The following MAP2K1 variants were observed in gnomAD, a reference collection of about 807,000 sequenced individuals.
The protein encoded by MAP2K1 is mitogen-activated protein kinase kinase 1, also known as dual specificity mitogen-activated protein kinase kinase 1.
A neutral mutation model predicts 46.3 loss-of-function variants in MAP2K1; 16 were observed. The observed-to-expected ratio is 0.35, with a 90% CI of 0.23 to 0.52. The LOEUF (loss-of-function observed/expected upper bound fraction) is 0.52, where lower values mean the gene tolerates loss of function less well. MAP2K1 is among the 20% of genes least tolerant of loss of function. The pLI is 0.94. For missense variants in MAP2K1, 263 were observed against 497.1 expected (o/e 0.53, Z 4.48); for synonymous variants, 183 against 185.6 (o/e 0.99, Z 0.11).
chr15:66,428,318 G>A (rs999313379), intron 1 of MAP2K1, among the ~76,000 whole-genome samples: 6 of 123,112 alleles, frequency 4.9e-5, no homozygotes, highest in Non-Finnish European at 1.1e-4. Flanking sequence ...GTGTGTGTGT[G>A]TGTGTGTATG....
At chr15:66,423,381 G>A (rs1303794427) in intron 1 of MAP2K1, among the ~76,000 whole-genome samples, 4 of 151,324 alleles carry the variant, frequency 2.6e-5, no homozygotes, top group East Asian at 3.9e-4. Context: ...CTTATCTCTT[G>A]ATAAGGTTGT....
chr15:66,436,900 ACACCCTCT>A lies in MAP2K1; in HGVS notation c.438+11_438+18del, dbSNP rs1567009806. ...ATCTGCATGGAGCACATGGTATGTG[ACACCCTCT>A]CAGCCTCTGGAGCAATGGCCTTAAG... On this transcript the variant is annotated intron_variant, in intron 3 of 10. Transcript: ENST00000307102. 1 of 1,613,966 alleles carries A rather than the reference ACACCCTCT, an allele frequency of 6.2e-7. No individual in the cohort carries two copies. Among genetic ancestry groups the A allele is most frequent in the South Asian group, 1.1e-5 (1 of 91,086 alleles).
intron 1 of MAP2K1, among the ~76,000 whole-genome samples, chr15:66,392,255 G>GTTTTT (rs58831070): frequency 2.3e-4 from 22 of 97,696 alleles, no homozygotes; most frequent in South Asian, 3.6e-4. Flanking sequence ...TTTTTTTTGG[G>GTTTTT]TTTTTTTTTT....
intron 8 of MAP2K1, 134 bp downstream of exon 8, chr15:66,487,426 G>C: frequency 2.4e-6 from 2 of 837,726 alleles, no homozygotes; most frequent in Non-Finnish European, 4.1e-6. Flanking sequence ...ATCACACGAG[G>C]TGAGGAGTTC....
At chr15:66,459,817 TTTG>T (rs1475210637) in intron 5 of MAP2K1, among the ~76,000 whole-genome samples, 1 of 152,016 alleles carries the variant, frequency 6.6e-6, no homozygotes, top group Non-Finnish European at 1.5e-5. Flanking sequence ...TTGGTTTTGT[TTTG>T]TTGTTTTATA....
At chr15:66,467,722 A>G (rs1892502374) in intron 5 of MAP2K1, among the ~76,000 whole-genome samples, 1 of 152,124 alleles carries the variant, frequency 6.6e-6, no homozygotes, top group South Asian at 2.1e-4. Flanking sequence ...CACCACGCCC[A>G]ACTAATTTTT....
chr15:66,482,876 G>A (rs550608525), intron 6 of MAP2K1, among the ~76,000 whole-genome samples: 2 of 152,256 alleles, frequency 1.3e-5, no homozygotes, highest in Admixed American at 1.3e-4. Context: ...CAGAAGTGGC[G>A]GGGAGTGCAG....
chr15:66,448,960 C>T (rs554154596), intron 5 of MAP2K1, among the ~76,000 whole-genome samples: 6 of 139,870 alleles, frequency 4.3e-5, no homozygotes, highest in South Asian at 2.4e-4. Context: ...GCTGAGATTG[C>T]GCCACTGCAC....
At chr15:66,422,018 G>A (rs774453841) in intron 1 of MAP2K1, among the ~76,000 whole-genome samples, 29 of 151,782 alleles carry the variant, frequency 1.9e-4, no homozygotes, top group Admixed American at 3.9e-4. Flanking sequence ...AGAATTAGGC[G>A]AACTGTGGTA....
chr15:66,433,246 C>G (rs980114959), intron 1 of MAP2K1, among the ~76,000 whole-genome samples: 3 of 152,180 alleles, frequency 2.0e-5, no homozygotes, highest in African/African-American at 7.2e-5. Flanking sequence ...CAAGACATAG[C>G]CGAACCTTGG....
chr15:66,476,054 T>G (rs574771906), intron 5 of MAP2K1, among the ~76,000 whole-genome samples: 2 of 152,362 alleles, frequency 1.3e-5, no homozygotes, highest in East Asian at 3.9e-4. Flanking sequence ...GAACATACTT[T>G]CTGAGTTTTT....
At chr15:66,401,716 A>T (rs1338464203) in intron 1 of MAP2K1, 1 of 152,112 alleles carries the variant, frequency 6.6e-6, no homozygotes, top group East Asian at 1.9e-4. Flanking sequence ...CTGAGGAGGG[A>T]GTGTGCGCAT....
At chr15:66,482,622 T>C (rs1892939133) in intron 6 of MAP2K1, among the ~76,000 whole-genome samples, 1 of 152,150 alleles carries the variant, frequency 6.6e-6, no homozygotes, top group Non-Finnish European at 1.5e-5. Context: ...CCCTCCTCCA[T>C]ACCACCGGTT....
intron 5 of MAP2K1, among the ~76,000 whole-genome samples, chr15:66,454,217 T>C (rs909557352): frequency 4.6e-5 from 7 of 152,194 alleles, no homozygotes; most frequent in African/African-American, 1.4e-4. Context: ...GTCATGTGTT[T>C]CAAGCCAAGA....
chr15:66,475,323 G>A (rs558598074), intron 5 of MAP2K1, among the ~76,000 whole-genome samples: 5 of 152,118 alleles, frequency 3.3e-5, no homozygotes, highest in African/African-American at 7.2e-5. Flanking sequence ...GCCTAAAGTC[G>A]CCATTTTAAA....
intron 10 of MAP2K1, chr15:66,489,979 C>T (rs1893191145): frequency 1.6e-6 from 1 of 619,938 alleles, no homozygotes; most frequent in African/African-American, 1.8e-5. Context: ...AAGCATATGC[C>T]AGAGGAAATG....
At position 66,436,801 on chromosome 15, in the gene MAP2K1, A is replaced by G. The variant is rs1262822818; in HGVS notation, c.347A>G (p.Gln116Arg). 1.2e-6 allele frequency: 2 copies of G among 1,614,082 alleles called. No homozygotes were observed. The highest frequency in any genetic ancestry group is 1.7e-6 in the Non-Finnish European group (2 of 1,180,010). Reference protein sequence around the residue: ...AIRNQIIRELQVLHECNSPYI... With the variant: ...AIRNQIIRELRVLHECNSPYI... The stretch of plus-strand genomic sequence containing the variant: ...CGGAACCAGATCATAAGGGAGCTGC[A>G]GGTTCTGCATGAGTGCAACTCTCCG... Residue 116 changes from glutamine (Q) to arginine (R), a missense_variant, in exon 3 of 11, where the codon CAG becomes CGG. By Grantham distance (43) the Gln-to-Arg change is conservative. Around this residue, in one of 4 missense-constraint regions of MAP2K1, gnomAD observed 103 missense variants for 221.6 expected, o/e 0.46. Transcript: ENST00000307102.
At chr15:66,486,416 ATCTACTT>A (rs1300675509) in intron 7 of MAP2K1, among the ~76,000 whole-genome samples, 1 of 152,154 alleles carries the variant, frequency 6.6e-6, no homozygotes, top group African/African-American at 2.4e-5. Context: ...ACAACCACTA[ATCTACTT>A]TCTGTGTCCA....
chr15:66,428,605 C>A (rs2093466167), intron 1 of MAP2K1, among the ~76,000 whole-genome samples: 1 of 151,912 alleles, frequency 6.6e-6, no homozygotes, highest in South Asian at 2.1e-4. Flanking sequence ...ATCCAAAAAA[C>A]CCCCACAAAA....
Sources: gnomAD v4.1 joint callset for allele counts (sites outside exome capture counted in the v4.1 genomes callset) on GRCh38, gnomAD v4.1.1 for gene constraint, gnomAD v4.1.1 regional missense constraint, MANE v1.5 for transcripts, NCBI Gene and HGNC (gene_info 2026-07-23, HGNC 2026-07-21) for gene names.